Variants in SPIDR observed in about 807,000 individuals in gnomAD.
SPIDR encodes DNA repair-scaffolding protein.
Under a neutral mutation model 104.6 loss-of-function variants are expected in SPIDR, and 93 were observed. The ratio of observed to expected loss-of-function variants is 0.89; its 90% confidence interval spans 0.75 to 1.06. The LOEUF is 1.06. Ranked by LOEUF, SPIDR falls within the 50% of genes least tolerant of loss-of-function variation. SPIDR has a pLI of 0.00. For synonymous variants in SPIDR, 431 were observed against 416.9 expected (o/e 1.03, Z -0.41); for missense variants, 1,154 against 1,111.2 (o/e 1.04, Z -0.55).
intron 7 of SPIDR, among the ~76,000 whole-genome samples, chr8:47,431,166 G>T (rs2154339431): frequency 6.6e-6 from 1 of 152,276 alleles, no homozygotes; most frequent in Non-Finnish European, 1.5e-5. Context: ...TTCTTGCTGT[G>T]TGCTCACAGA....
rs1170408396 is a variant in SPIDR at position 47,565,971 on chromosome 8, CATATATATAT to C, written c.1098-29827_1098-29818del. 5.1e-3 allele frequency among the ~76,000 whole-genome samples: 210 copies of C among 41,452 alleles called. 5 individuals carry two copies. Among genetic ancestry groups the C allele is most frequent in the Admixed American group, 7.9e-3 (15 of 1,890 alleles). 27.2% of individuals were successfully genotyped at this position (41,452 alleles called of 152,430 possible). A position where few individuals can be genotyped will look rare whatever the true frequency, so the allele number is the denominator to read the frequency against. On this transcript the variant is annotated intron_variant, in intron 8 of 19. Transcript: ENST00000297423. The stretch of plus-strand genomic sequence containing the variant: ...TGGATAAGAATGTGATATTTATACT[CATATATATAT>C]ATATATATATATTTTTTTTTTTTTT...
At chr8:47,491,177 T>C (rs2078646354) in intron 8 of SPIDR, among the ~76,000 whole-genome samples, 2 of 152,144 alleles carry the variant, frequency 1.3e-5, no homozygotes. Context: ...TAATCATAAA[T>C]GGGTCGTTTA....
intron 8 of SPIDR, among the ~76,000 whole-genome samples, chr8:47,558,515 G>C (rs532259442): frequency 6.6e-6 from 1 of 152,118 alleles, no homozygotes; most frequent in Non-Finnish European, 1.5e-5. Context: ...CCCCAAAGAG[G>C]ATAGGTTCTG....
intron 8 of SPIDR, among the ~76,000 whole-genome samples, chr8:47,472,241 G>C (rs2075806448): frequency 6.6e-6 from 1 of 152,184 alleles, no homozygotes; most frequent in Admixed American, 6.5e-5. Flanking sequence ...CTGCTCTGGG[G>C]CTAACCCCTC....
chr8:47,677,438 A>G (rs568915324), intron 11 of SPIDR, among the ~76,000 whole-genome samples: 2 of 152,380 alleles, frequency 1.3e-5, no homozygotes, highest in Admixed American at 1.3e-4. Flanking sequence ...GACCTCTTTC[A>G]GTTCAAAAAT....
intron 16 of SPIDR, among the ~76,000 whole-genome samples, chr8:47,719,853 G>A (rs538562385): frequency 3.3e-5 from 5 of 152,322 alleles, no homozygotes; most frequent in Admixed American, 3.3e-4. Context: ...CAGGAGCCAG[G>A]GCTCCCATGC....
At chr8:47,450,569 GTTGTA>G (rs1414248933) in intron 8 of SPIDR, among the ~76,000 whole-genome samples, 1 of 152,212 alleles carries the variant, frequency 6.6e-6, no homozygotes, top group Non-Finnish European at 1.5e-5. Context: ...TGTACCAGTT[GTTGTA>G]TTGTAGGACT....
intron 8 of SPIDR, among the ~76,000 whole-genome samples, chr8:47,507,199 A>G (rs190518613): frequency 3.3e-5 from 5 of 152,146 alleles, no homozygotes; most frequent in Non-Finnish European, 5.9e-5. Flanking sequence ...TGTGCTGGTC[A>G]ATGTAAGTTC....
chr8:47,678,134 A>G (rs1413785702), intron 11 of SPIDR, among the ~76,000 whole-genome samples: 1 of 152,146 alleles, frequency 6.6e-6, no homozygotes, highest in African/African-American at 2.4e-5. Flanking sequence ...TTGCCATGGC[A>G]TTGAGCTGTG....
intron 8 of SPIDR, 104 bp from the exon 9 acceptor site, chr8:47,595,707 G>C (rs1374109211): frequency 9.1e-7 from 1 of 1,103,942 alleles, no homozygotes; most frequent in Non-Finnish European, 1.3e-6. Context: ...GGCTTTAGCT[G>C]TCCATAGCAG....
chr8:47,639,694 T>C (rs1480131574), intron 10 of SPIDR, among the ~76,000 whole-genome samples: 1 of 152,204 alleles, frequency 6.6e-6, no homozygotes, highest in Non-Finnish European at 1.5e-5. Context: ...GCGCCTGTTA[T>C]CCCAGCACTC....
intron 5 of SPIDR, among the ~76,000 whole-genome samples, chr8:47,391,171 T>C (rs2060539954): frequency 6.6e-6 from 1 of 152,156 alleles, no homozygotes; most frequent in African/African-American, 2.4e-5. Flanking sequence ...TATTCTAAAA[T>C]ACCATATGCT....
intron 8 of SPIDR, among the ~76,000 whole-genome samples, chr8:47,451,589 C>T (rs1386314800): frequency 3.3e-5 from 5 of 151,612 alleles, no homozygotes; most frequent in Admixed American, 2.6e-4. Context: ...AAAACACACA[C>T]ACACACACAC....
intron 8 of SPIDR, among the ~76,000 whole-genome samples, chr8:47,496,570 T>G (rs891279821): frequency 1.9e-4 from 29 of 152,168 alleles, no homozygotes; most frequent in African/African-American, 7.0e-4. Context: ...ATAATCCGTT[T>G]TATGTGTTGC....
rs374714485 is a variant in SPIDR, at chr8:47,380,667, CCTT to C, written c.526-15706_526-15704del. The stretch of plus-strand genomic sequence containing the variant: ...TCCATAGGTTTGAGTTAAGTTCTCT[CCTT>C]CTCACTGAGCTGCAGCTGAGGTTGG... On this transcript the variant is annotated intron_variant, in intron 5 of 19. Transcript: ENST00000297423. Among the ~76,000 whole-genome samples the C allele has an allele frequency of 7.7e-4, 117 of 152,238 alleles. 1 individual carries two copies. The highest frequency in any genetic ancestry group is 1.4e-3 in the African/African-American group (59 of 41,534).
chr8:47,628,563 A>G (rs1284899452), intron 10 of SPIDR, among the ~76,000 whole-genome samples: 1 of 152,210 alleles, frequency 6.6e-6, no homozygotes, highest in Non-Finnish European at 1.5e-5. Context: ...TAAAATAAAA[A>G]TAAAATGCAT....
chr8:47,354,492 A>T (rs1364678515), intron 5 of SPIDR, among the ~76,000 whole-genome samples: 1 of 152,092 alleles, frequency 6.6e-6, no homozygotes, highest in Admixed American at 6.5e-5. Flanking sequence ...TTTTTTAAAA[A>T]ATTTGATTTC....
rs543012512 is a variant in SPIDR, at chr8:47,693,412, G to A, written c.1686-6991G>A. Among the ~76,000 whole-genome samples the A allele has an allele frequency of 1.8e-4, 27 of 152,346 alleles. No homozygotes were observed. The South Asian group carries it at 3.7e-3, about 21-fold the overall frequency. On this transcript the variant is annotated intron_variant, in intron 11 of 19. Transcript: ENST00000297423. ...TCATGAAAAATTCTCATACTGAAGC[G>A]TTGAGGGACACTTGTGATATGTGAC...
chr8:47,400,112 G>C lies in SPIDR; in HGVS notation c.776+3486G>C, dbSNP rs868926471. Among the ~76,000 whole-genome samples the C allele has an allele frequency of 5.9e-5, 9 of 152,156 alleles. No individual in the cohort carries two copies. The South Asian group carries it at 1.2e-3, about 21-fold the overall frequency. ...CTGGCATTGGGCAGGCTGAGTTGGAGCTGGAACGTAAGGGAGGCTACCAGA... is the reference window on the plus strand; with the variant it reads ...CTGGCATTGGGCAGGCTGAGTTGGACCTGGAACGTAAGGGAGGCTACCAGA... On this transcript the variant is annotated intron_variant, in intron 6 of 19. Coordinates refer to ENST00000297423, the MANE Select transcript of SPIDR (RefSeq NM_001080394.4).
Sources: gnomAD v4.1 joint callset for allele counts (sites outside exome capture counted in the v4.1 genomes callset) on GRCh38, gnomAD v4.1.1 for gene constraint, MANE v1.5 for transcripts, NCBI Gene and HGNC (gene_info 2026-07-23, HGNC 2026-07-21) for gene names.